BACH2: variants seen among roughly 807,000 people sequenced by gnomAD.
BACH2 encodes transcription regulator protein BACH2.
BACH2 carries 5 observed loss-of-function variants against 61.8 expected under a neutral mutation model. That is an observed-to-expected ratio of 0.08 (90% confidence interval 0.04 to 0.17). The LOEUF (loss-of-function observed/expected upper bound fraction) is 0.17. BACH2 is among the 10% of genes least tolerant of loss of function. The probability of loss-of-function intolerance (pLI) is 1.00; values close to 1 mark genes in which losing one functional copy is unlikely to be tolerated. For missense variants in BACH2, 824 were observed against 1,091.1 expected, an observed-to-expected ratio of 0.76 and a Z score of 3.45; for synonymous variants, 446 against 440.1, an observed-to-expected ratio of 1.01 and a Z score of -0.17.
At chr6:90,109,703 G>A (rs1453122414) in intron 4 of BACH2, among the ~76,000 whole-genome samples, 1 of 152,060 alleles carries the variant, frequency 6.6e-6, no homozygotes, top group Non-Finnish European at 1.5e-5. Flanking sequence ...CATCACAGCT[G>A]CTTGGGACAA....
intron 4 of BACH2, among the ~76,000 whole-genome samples, chr6:90,203,725 T>C (rs1370718718): frequency 6.6e-6 from 1 of 152,202 alleles, no homozygotes; most frequent in Non-Finnish European, 1.5e-5. Flanking sequence ...CACTAACATA[T>C]TCCCTGTAGA....
intron 6 of BACH2, among the ~76,000 whole-genome samples, chr6:89,961,131 G>T (rs1774722009): frequency 6.6e-6 from 1 of 152,130 alleles, no homozygotes; most frequent in Non-Finnish European, 1.5e-5. Flanking sequence ...ACAGGCAAAA[G>T]TCATATATGA....
Position 90,290,550 on chromosome 6 carries a change from T to C in BACH2, c.-446+5930A>G, listed in dbSNP as rs151165715. 2.0e-3 allele frequency among the ~76,000 whole-genome samples: 301 copies of C among 152,310 alleles called. 1 individual carries two copies. The highest frequency in any genetic ancestry group is 7.0e-3 in the African/African-American group (290 of 41,578). On this transcript the variant is annotated intron_variant, in intron 1 of 8. Coordinates refer to ENST00000257749, the MANE Select transcript of BACH2 (RefSeq NM_021813.4). ...GCACTATCCACGAGCTTCTGTTGCT[T>C]AGAAGAATACAGGATAGGAAAAAAA...
At chr6:90,147,464 G>A (rs548345757) in intron 4 of BACH2, among the ~76,000 whole-genome samples, 22 of 152,266 alleles carry the variant, frequency 1.4e-4, no homozygotes, top group South Asian at 4.1e-4. Flanking sequence ...TTGGAGAGCC[G>A]TTCCGCGGCA....
chr6:89,976,927 A>G (rs1408542790), intron 6 of BACH2, among the ~76,000 whole-genome samples: 1 of 152,212 alleles, frequency 6.6e-6, no homozygotes, highest in Non-Finnish European at 1.5e-5. Context: ...ACTTCACCAG[A>G]AAAAGGTCTG....
intron 6 of BACH2, among the ~76,000 whole-genome samples, chr6:89,974,752 TC>T (rs1775561114): frequency 1.3e-5 from 2 of 152,220 alleles, no homozygotes; most frequent in African/African-American, 4.8e-5. Flanking sequence ...GTATATGGGC[TC>T]CAGCTTGTTT....
At chr6:90,181,181 TG>T (rs1003735052) in intron 4 of BACH2, among the ~76,000 whole-genome samples, 2 of 152,208 alleles carry the variant, frequency 1.3e-5, no homozygotes, top group Non-Finnish European at 2.9e-5. Context: ...CAATATCTAT[TG>T]TTTTTTTACT....
chr6:89,956,422 T>C (rs1774431513), intron 6 of BACH2, among the ~76,000 whole-genome samples: 1 of 152,196 alleles, frequency 6.6e-6, no homozygotes, highest in Non-Finnish European at 1.5e-5. Flanking sequence ...AAGGCCAGGG[T>C]ACCGTGTCCG....
intron 2 of BACH2, among the ~76,000 whole-genome samples, chr6:90,256,989 G>A (rs115655404): frequency 0.014 from 2,152 of 152,230 alleles, 50 homozygotes; most frequent in African/African-American, 0.045. Context: ...TTTCTTTGGC[G>A]TATTTCGCTT....
chr6:90,221,144 G>A (rs186586720), intron 3 of BACH2, among the ~76,000 whole-genome samples: 1 of 152,328 alleles, frequency 6.6e-6, no homozygotes, highest in African/African-American at 2.4e-5. Flanking sequence ...GTTCTGAAGT[G>A]AAATCTTCAA....
chr6:90,150,457 T>C (rs1784775708), intron 4 of BACH2, among the ~76,000 whole-genome samples: 1 of 152,240 alleles, frequency 6.6e-6, no homozygotes, highest in Admixed American at 6.5e-5. Context: ...TCACATCTAC[T>C]ATCTAACACT....
At chr6:90,183,339 T>C (rs1163743135) in intron 4 of BACH2, among the ~76,000 whole-genome samples, 2 of 152,266 alleles carry the variant, frequency 1.3e-5, no homozygotes, top group Admixed American at 6.5e-5. Flanking sequence ...ACCGAGTTTA[T>C]GCCTTGACCA....
At chr6:90,288,566 AC>A in intron 1 of BACH2, among the ~76,000 whole-genome samples, 1 of 152,176 alleles carries the variant, frequency 6.6e-6, no homozygotes, top group African/African-American at 2.4e-5. Context: ...CTAAACAGTG[AC>A]CCTGCAAACC....
At chr6:90,041,321 G>A (rs1002437168) in intron 5 of BACH2, among the ~76,000 whole-genome samples, 7 of 151,296 alleles carry the variant, frequency 4.6e-5, no homozygotes, top group Admixed American at 1.3e-4. Flanking sequence ...ATAATTTTAT[G>A]TTAAGGAGGT....
intron 2 of BACH2, among the ~76,000 whole-genome samples, chr6:90,271,629 A>G (rs1582554351): frequency 1.3e-5 from 2 of 152,234 alleles, no homozygotes; most frequent in East Asian, 3.9e-4. Flanking sequence ...TAGCCAACAA[A>G]CATAAGAAAA....
intron 5 of BACH2, among the ~76,000 whole-genome samples, chr6:90,077,729 T>C (rs1188661991): frequency 6.6e-6 from 1 of 152,186 alleles, no homozygotes; most frequent in East Asian, 1.9e-4. Context: ...TTTAATTCCT[T>C]AGCTTATAGG....
At chr6:90,091,058 AAAGT>A (rs1782139442) in intron 4 of BACH2, among the ~76,000 whole-genome samples, 1 of 152,160 alleles carries the variant, frequency 6.6e-6, no homozygotes, top group Non-Finnish European at 1.5e-5. Context: ...GGCAAGTTTG[AAAGT>A]ATGTGCCCAC....
chr6:90,166,216 A>AAAAC (rs1332922859), intron 4 of BACH2, among the ~76,000 whole-genome samples: 1 of 151,822 alleles, frequency 6.6e-6, no homozygotes, highest in Admixed American at 6.6e-5. Context: ...TTACAAGAAA[A>AAAAC]AAACAACCCC....
At chr6:90,106,712 G>C (rs1782935721) in intron 4 of BACH2, among the ~76,000 whole-genome samples, 1 of 152,214 alleles carries the variant, frequency 6.6e-6, no homozygotes, top group South Asian at 2.1e-4. Flanking sequence ...ACCACCAAGT[G>C]GGTGGCGCTG....
Sources: gnomAD v4.1 joint callset for allele counts (sites outside exome capture counted in the v4.1 genomes callset) on GRCh38, gnomAD v4.1.1 for gene constraint, MANE v1.5 for transcripts, NCBI Gene and HGNC (gene_info 2026-07-23, HGNC 2026-07-21) for gene names.